The following F13A1 variants were observed in gnomAD, a reference collection of about 807,000 sequenced individuals.
The protein encoded by F13A1 is FSF, A subunit.
Under a neutral mutation model 80.1 loss-of-function variants are expected in F13A1, and 47 were observed. The observed-to-expected ratio is 0.59, with a 90% CI of 0.46 to 0.75. The LOEUF (loss-of-function observed/expected upper bound fraction) is 0.75, where lower values mean the gene tolerates loss of function less well. Ranked by LOEUF, F13A1 falls within the 30% of genes least tolerant of loss-of-function variation. F13A1 has a pLI of 0.00. For synonymous variants in F13A1, 349 were observed against 344.9 expected (o/e 1.01, Z -0.13); for missense variants, 817 against 930.4 (o/e 0.88, Z 1.59).
At chr6:6,193,316 G>A (rs1252055403) in intron 10 of F13A1, among the ~76,000 whole-genome samples, 1 of 152,138 alleles carries the variant, frequency 6.6e-6, no homozygotes, top group Non-Finnish European at 1.5e-5. Context: ...GATCAAGCCT[G>A]GAAATGAGTA....
intron 2 of F13A1, among the ~76,000 whole-genome samples, chr6:6,311,239 T>C (rs921042241): frequency 4.6e-5 from 7 of 152,168 alleles, no homozygotes; most frequent in Non-Finnish European, 8.8e-5. Flanking sequence ...ATTTGGAGCG[T>C]AGAGTTGATC....
chr6:6,297,185 C>T (rs994192167), intron 3 of F13A1, among the ~76,000 whole-genome samples: 3 of 151,286 alleles, frequency 2.0e-5, no homozygotes, highest in Admixed American at 2.0e-4. Flanking sequence ...CAATGTTCAT[C>T]AAAGATATTG....
chr6:6,259,473 T>A (rs952119131), intron 4 of F13A1, among the ~76,000 whole-genome samples: 1 of 152,180 alleles, frequency 6.6e-6, no homozygotes, highest in African/African-American at 2.4e-5. Context: ...TTTATTTGTT[T>A]AAAGAAAAGT....
chr6:6,311,522 CA>C (rs36187372), intron 2 of F13A1, among the ~76,000 whole-genome samples: 16 of 142,950 alleles, frequency 1.1e-4, no homozygotes, highest in South Asian at 2.2e-4. Flanking sequence ...AAACCTAAGT[CA>C]AAAAAAAAAA....
At chr6:6,278,456 T>A (rs1254009467) in intron 3 of F13A1, among the ~76,000 whole-genome samples, 1 of 151,964 alleles carries the variant, frequency 6.6e-6, no homozygotes, top group Non-Finnish European at 1.5e-5. Context: ...CTGTGGGAGG[T>A]GGTACTTGGC....
In F13A1 at chr6:6,277,293, G is replaced by GCCA. The variant is rs1467522844; in HGVS notation, c.320-10487_320-10485dup. 4.7e-4 allele frequency among the ~76,000 whole-genome samples: 5 copies of GCCA among 10,630 alleles called. 2 individuals carry two copies. In the East Asian group the frequency reaches 5.3e-3, roughly 11 times the overall value. The allele number at this position is 10,630 out of a possible 152,430, so 7.0% of individuals were successfully genotyped here. ...GGAGCTTGCAGTGAGCCGAGATCCC[G>GCCA]CCACTGCACTCCAGCCTGGGCGACA... On this transcript the variant is annotated intron_variant, in intron 3 of 14. Coordinates refer to ENST00000264870, the MANE Select transcript of F13A1 (RefSeq NM_000129.4).
chr6:6,211,896 C>T (rs569195720), intron 8 of F13A1, among the ~76,000 whole-genome samples: 27 of 152,334 alleles, frequency 1.8e-4, no homozygotes, highest in African/African-American at 3.6e-4. Flanking sequence ...GTTCCCTTCC[C>T]GAGTCAAAGA....
intron 8 of F13A1, among the ~76,000 whole-genome samples, chr6:6,207,703 C>A (rs910301153): frequency 2.2e-4 from 34 of 152,172 alleles, no homozygotes; most frequent in African/African-American, 8.2e-4. Context: ...CTTTCCCCAA[C>A]ACACACACAA....
intron 13 of F13A1, among the ~76,000 whole-genome samples, chr6:6,158,217 C>T (rs770454463): frequency 2.6e-5 from 4 of 152,082 alleles, no homozygotes; most frequent in South Asian, 2.1e-4. Flanking sequence ...AACAGTGTCA[C>T]GGACATAACT....
At chr6:6,150,657 C>T (rs969107238) in intron 14 of F13A1, among the ~76,000 whole-genome samples, 8 of 152,192 alleles carry the variant, frequency 5.3e-5, no homozygotes, top group African/African-American at 1.9e-4. Flanking sequence ...CATATCTGGT[C>T]ATGAGGCAGT....
chr6:6,270,132 C>T (rs987250776), intron 3 of F13A1, among the ~76,000 whole-genome samples: 8 of 152,196 alleles, frequency 5.3e-5, no homozygotes, highest in Non-Finnish European at 1.2e-4. Context: ...GACAGAGTCC[C>T]TATGGTCTGC....
chr6:6,309,611 A>G (rs2113191395), intron 2 of F13A1, among the ~76,000 whole-genome samples: 1 of 152,364 alleles, frequency 6.6e-6, no homozygotes. Flanking sequence ...CTTGGAGACC[A>G]TGCGAAGGAG....
chr6:6,311,425 G>T (rs763837769), intron 2 of F13A1, among the ~76,000 whole-genome samples: 1 of 151,128 alleles, frequency 6.6e-6, no homozygotes, highest in Admixed American at 6.6e-5. Flanking sequence ...GTTTCACATT[G>T]GAATAAAATA....
At chr6:6,188,822 G>T (rs1583062372) in intron 10 of F13A1, among the ~76,000 whole-genome samples, 1 of 68,764 alleles carries the variant, frequency 1.5e-5, no homozygotes, top group Admixed American at 1.4e-4. Context: ...TGACAGTGGG[G>T]TGTTAAAGTC....
chr6:6,210,738 A>G (rs1016667679), intron 8 of F13A1, among the ~76,000 whole-genome samples: 1 of 150,634 alleles, frequency 6.6e-6, no homozygotes, highest in African/African-American at 2.5e-5. Flanking sequence ...TTATTTATTT[A>G]TTTTTGAGAC....
intron 7 of F13A1, among the ~76,000 whole-genome samples, chr6:6,223,561 T>C (rs973594109): frequency 6.6e-6 from 1 of 152,188 alleles, no homozygotes; most frequent in Non-Finnish European, 1.5e-5. Context: ...GACTATACTT[T>C]TGATTTTCAT....
At chr6:6,181,926 A>G (rs757309713) in intron 11 of F13A1, 62 bp downstream of exon 11, 18 of 1,570,882 alleles carry the variant, frequency 1.1e-5, no homozygotes, top group Non-Finnish European at 1.5e-5. Context: ...TCTCTGAGTG[A>G]CAATGAATAA....
intron 8 of F13A1, among the ~76,000 whole-genome samples, chr6:6,220,132 G>A (rs1188061568): frequency 3.3e-5 from 5 of 152,196 alleles, no homozygotes; most frequent in African/African-American, 4.8e-5. Flanking sequence ...GTCCTGAGTT[G>A]TGCTGGTCTC....
chr6:6,319,253 T>G (rs1302438586), intron 1 of F13A1, among the ~76,000 whole-genome samples: 1 of 152,206 alleles, frequency 6.6e-6, no homozygotes, highest in Non-Finnish European at 1.5e-5. Context: ...GAATGTTTGC[T>G]CTGATAGATT....
Sources: gnomAD v4.1 joint callset for allele counts (sites outside exome capture counted in the v4.1 genomes callset) on GRCh38, gnomAD v4.1.1 for gene constraint, MANE v1.5 for transcripts, NCBI Gene and HGNC (gene_info 2026-07-23, HGNC 2026-07-21) for gene names.